BIN2: variants seen among roughly 807,000 people sequenced by gnomAD.
BIN2 encodes bridging integrator 2, also known as breast cancer associated protein BRAP1.
In BIN2, 43 loss-of-function variants were observed where a neutral mutation model predicts 67.9. The observed-to-expected ratio is 0.63, with a 90% CI of 0.50 to 0.82. The LOEUF is 0.82. Ranked by LOEUF, BIN2 falls within the 40% of genes least tolerant of loss-of-function variation. The pLI is 0.00. For missense variants in BIN2, 581 were observed against 671.6 expected, an observed-to-expected ratio of 0.87 and a Z score of 1.49; for synonymous variants, 244 against 246.8, an observed-to-expected ratio of 0.99 and a Z score of 0.11.
At chr12:51,297,642 C>CAGG (rs758307013) in intron 7 of BIN2, among the ~76,000 whole-genome samples, 15 of 152,092 alleles carry the variant, frequency 9.9e-5, no homozygotes, top group Non-Finnish European at 1.6e-4. Flanking sequence ...AGAGCTGGGC[C>CAGG]AGGAACACAC....
At chr12:51,300,193 G>A (rs1007379766) in intron 5 of BIN2, among the ~76,000 whole-genome samples, 1 of 152,074 alleles carries the variant, frequency 6.6e-6, no homozygotes, top group East Asian at 1.9e-4. Context: ...CAGTATCTGG[G>A]AAGAATGGGG....
intron 12 of BIN2, among the ~76,000 whole-genome samples, chr12:51,283,116 A>C (rs186843569): frequency 2.0e-5 from 3 of 150,778 alleles, no homozygotes; most frequent in Admixed American, 2.0e-4. Flanking sequence ...TTAGCCAGGC[A>C]TGGTGGCGCC....
At chr12:51,324,407 C>T, upstream of BIN2, 3 of 1,389,426 alleles carry the variant, frequency 2.2e-6, no homozygotes, top group African/African-American at 1.5e-5. Context: ...GGTGGGCCCA[C>T]ACTCACTCGC....
rs563528331 is a variant in BIN2 at position 51,315,651 on chromosome 12, G to C, written c.82-1748C>G. Among the ~76,000 whole-genome samples the C allele has an allele frequency of 3.5e-4, 53 of 152,292 alleles. 1 individual carries two copies. The South Asian group carries it at 0.011, about 30-fold the overall frequency. On this transcript the variant is annotated intron_variant, in intron 1 of 12. Coordinates refer to ENST00000615107, the MANE Select transcript of BIN2 (RefSeq NM_016293.4). ...GCCATAGGTTCCTCTAGATAGATGAGGTTAGAGAGGTTGGGCAGGGACACT... is the reference window on the plus strand; with the variant it reads ...GCCATAGGTTCCTCTAGATAGATGACGTTAGAGAGGTTGGGCAGGGACACT...
chr12:51,293,401 C>G (rs561032212), intron 9 of BIN2, among the ~76,000 whole-genome samples: 1 of 152,270 alleles, frequency 6.6e-6, no homozygotes, highest in Non-Finnish European at 1.5e-5. Context: ...GCTCTGACTC[C>G]CGGGTTCATG....
Position 51,292,111 on chromosome 12 carries a change from T to G in BIN2, c.995A>C (p.Glu332Ala). Reference sequence around the variant, plus strand: ...GCAGGCTGGTAGAGGCTCATCTTCCTCAGAGGAGCTTGCTTCAGATCCTTC... The same window carrying G: ...GCAGGCTGGTAGAGGCTCATCTTCCGCAGAGGAGCTTGCTTCAGATCCTTC... ...EKEGSEASSS[E>A]EDEPLPACNG... The change falls in exon 10 of 13, where the codon GAG becomes GCG. Residue 332 changes from glutamate to alanine, a missense_variant. Glu to Ala is a moderately radical substitution (Grantham distance 107, BLOSUM62 -1). Coordinates refer to ENST00000615107, the MANE Select transcript of BIN2 (RefSeq NM_016293.4). 6.2e-7 allele frequency: 1 copy of G among 1,614,144 alleles called. No homozygotes were observed. The highest frequency in any genetic ancestry group is 8.5e-7 in the Non-Finnish European group (1 of 1,180,026).
intron 8 of BIN2, 113 bp downstream of exon 8, chr12:51,296,976 G>C (rs1945582582): frequency 1.5e-5 from 15 of 973,878 alleles, no homozygotes; most frequent in Non-Finnish European, 2.3e-5. Context: ...TGAGAGAAAA[G>C]CCAAAATCTG....
At chr12:51,282,449 G>A (rs1436957534) in intron 12 of BIN2, among the ~76,000 whole-genome samples, 2 of 152,094 alleles carry the variant, frequency 1.3e-5, no homozygotes, top group Non-Finnish European at 2.9e-5. Flanking sequence ...TCACATATTT[G>A]TGATGATGCT....
At chr12:51,294,868 A>T (rs1047809502) in intron 9 of BIN2, among the ~76,000 whole-genome samples, 28 of 152,144 alleles carry the variant, frequency 1.8e-4, no homozygotes, top group African/African-American at 5.8e-4. Flanking sequence ...CTTAAATTTG[A>T]TGGTAGGTAC....
intron 2 of BIN2, among the ~76,000 whole-genome samples, chr12:51,312,163 G>A (rs186358452): frequency 4.7e-4 from 71 of 152,308 alleles, no homozygotes; most frequent in African/African-American, 1.6e-3. Flanking sequence ...TAGAGCCAGG[G>A]AAGGCTATGA....
intron 9 of BIN2, 40 bp from the exon 10 acceptor site, chr12:51,292,384 C>A: frequency 6.6e-7 from 1 of 1,510,582 alleles, no homozygotes; most frequent in Non-Finnish European, 8.8e-7. Flanking sequence ...CGGCTAAAAA[C>A]CAGAAGCAAT....
At position 51,303,091 on chromosome 12, in the gene BIN2, G is replaced by A. The variant is rs201895934; in HGVS notation, c.213C>T (p.Val71=). The A allele has an allele frequency of 1.2e-6, 2 of 1,613,930 alleles. No individual in the cohort carries two copies. Among genetic ancestry groups the A allele is most frequent in the Non-Finnish European group, 1.7e-6 (2 of 1,179,970 alleles). Residue 71 remains valine, a synonymous_variant, in exon 3 of 13, where the codon GTC becomes GTT. Coordinates refer to ENST00000615107, the MANE Select transcript of BIN2 (RefSeq NM_016293.4). Reference sequence around the variant, plus strand: ...CTCCCATGCTGCATTGCCCACCTTTGACTGCACTAAGGAAGTTCTTCAGGT... The same window carrying A: ...CTCCCATGCTGCATTGCCCACCTTTAACTGCACTAAGGAAGTTCTTCAGGT... ...YKDLKNFLSA[V]KVMHESSKRV... is the part of the protein sequence containing the mutation.
intron 11 of BIN2, among the ~76,000 whole-genome samples, chr12:51,287,897 C>T (rs527347343): frequency 2.0e-5 from 3 of 152,160 alleles, no homozygotes; most frequent in Non-Finnish European, 4.4e-5. Flanking sequence ...GGAATCCGCC[C>T]GCCTCTGCCT....
rs752842477 is a variant in BIN2 at position 51,291,576 on chromosome 12, C to A, written c.1515+15G>T. The A allele has an allele frequency of 4.5e-6, 7 of 1,562,680 alleles. No homozygotes were observed. Among genetic ancestry groups the A allele is most frequent in the South Asian group, 3.6e-5 (3 of 82,448 alleles). ...AAATTAATTAAATTAAATACCCAACCAGAACTACTCTTACCTGAGATGTCA... is the reference window on the plus strand; with the variant it reads ...AAATTAATTAAATTAAATACCCAACAAGAACTACTCTTACCTGAGATGTCA... On this transcript the variant is annotated intron_variant, in intron 10 of 12. Transcript: ENST00000615107.
chr12:51,287,027 G>GC (rs1400935065), intron 11 of BIN2, among the ~76,000 whole-genome samples: 1 of 152,050 alleles, frequency 6.6e-6, no homozygotes, highest in African/African-American at 2.4e-5. Context: ...TTCCTATGTT[G>GC]CCCAGGCTGA....
At chr12:51,294,595 C>A (rs1592258390) in intron 9 of BIN2, among the ~76,000 whole-genome samples, 1 of 151,314 alleles carries the variant, frequency 6.6e-6, no homozygotes, top group African/African-American at 2.4e-5. Context: ...AAAAACCCCC[C>A]AAAAACATGC....
intron 9 of BIN2, among the ~76,000 whole-genome samples, 168 bp downstream of exon 9, chr12:51,295,627 TA>T (rs1945544698): frequency 1.8e-5 from 2 of 108,868 alleles, no homozygotes; most frequent in African/African-American, 3.9e-5. Context: ...TATATATATA[TA>T]TATTTAGTAA....
rs139349662 is a variant in BIN2, at chr12:51,317,352, G to C, written c.82-3449C>G. ...ATAGGACTGAATGAGTGGAGCCTTGGAGTAGGATTTTCTAGACTGAAATAG... is the reference window on the plus strand; with the variant it reads ...ATAGGACTGAATGAGTGGAGCCTTGCAGTAGGATTTTCTAGACTGAAATAG... On this transcript the variant is annotated intron_variant, in intron 1 of 12. Transcript: ENST00000615107. Among the ~76,000 whole-genome samples the C allele has an allele frequency of 2.9e-3, 449 of 152,250 alleles. 4 individuals are homozygous for C. The highest frequency in any genetic ancestry group is 9.9e-3 in the African/African-American group (412 of 41,554).
chr12:51,323,963 G>T, intron 1 of BIN2, 59 bp downstream of exon 1: 1 of 1,594,672 alleles, frequency 6.3e-7, no homozygotes, highest in East Asian at 2.3e-5. Flanking sequence ...GCCCGGCCGG[G>T]CTCGGCCTCG....
Sources: allele counts gnomAD v4.1 joint callset (sites outside exome capture counted in the v4.1 genomes callset), GRCh38; gene constraint gnomAD v4.1.1; transcripts MANE v1.5; gene names NCBI Gene and HGNC (gene_info 2026-07-23, HGNC 2026-07-21).